Variants in HNMT observed in about 807,000 individuals in gnomAD.
HNMT encodes histamine N-methyltransferase.
A neutral mutation model predicts 32.1 loss-of-function variants in HNMT; 30 were observed. The ratio of observed to expected loss-of-function variants is 0.93; its 90% CI spans 0.70 to 1.27. The LOEUF (loss-of-function observed/expected upper bound fraction) is 1.27, where lower values mean the gene tolerates loss of function less well. Ranked by LOEUF, HNMT falls within the 50% of genes most tolerant of loss-of-function variation. The probability of loss-of-function intolerance (pLI) is 0.00; values close to 1 mark genes in which losing one functional copy is unlikely to be tolerated. For synonymous variants in HNMT, 125 were observed against 119.0 expected (o/e 1.05, Z -0.33); for missense variants, 327 against 346.0 (o/e 0.95, Z 0.43).
Position 138,014,253 on chromosome 2 carries a change from T to G in HNMT, c.*123T>G. On this transcript the variant is annotated 3_prime_UTR_variant, in exon 6 of 6. Coordinates refer to ENST00000280097, the MANE Select transcript of HNMT (RefSeq NM_006895.3). ...GATAAAGCACTGTTTGGATATGAGATGTAGCAAATTCCAATACATTATTGG... is the reference window on the plus strand; with the variant it reads ...GATAAAGCACTGTTTGGATATGAGAGGTAGCAAATTCCAATACATTATTGG... 1.5e-6 allele frequency: 1 copy of G among 660,660 alleles called. No homozygotes were observed. Among genetic ancestry groups the G allele is most frequent in the Non-Finnish European group, 2.5e-6 (1 of 394,350 alleles). 40.9% of individuals were successfully genotyped at this position (660,660 alleles called of 1,614,324 possible).
At chr2:137,979,442 C>T (rs1016457251) in intron 2 of HNMT, among the ~76,000 whole-genome samples, 11 of 151,806 alleles carry the variant, frequency 7.2e-5, no homozygotes, top group South Asian at 2.1e-4. Flanking sequence ...TTAGTAGAGA[C>T]GGGGTTTCAC....
intron 1 of HNMT, 75 bp downstream of exon 1, chr2:137,964,703 C>G (rs774514056): frequency 6.1e-6 from 9 of 1,475,122 alleles, no homozygotes; most frequent in African/African-American, 1.4e-5. Context: ...GGGTCTCGCT[C>G]AGCCTCGCAG....
rs201105511 is a variant in HNMT, at chr2:138,014,060, A to C, written c.809A>C (p.Glu270Ala). 519 of 1,612,880 alleles carry C rather than the reference A, an allele frequency of 3.2e-4. 1 individual carries two copies. The highest frequency in any genetic ancestry group is 3.2e-4 in the Non-Finnish European group (376 of 1,179,244). ...CTTGGGAAAGATCTACAAGAGCCTG[A>C]ATTTAGTGCTAAGAAAGAGGGGAAG... The part of the protein sequence containing the change: ...AELGKDLQEP[E>A]FSAKKEGKVL... The change falls in exon 6 of 6, where the codon GAA (glutamate) becomes GCA (alanine). Residue 270 changes from glutamate to alanine, a missense_variant. Transcript: ENST00000280097.
At chr2:137,968,021 G>A (rs552041074) in intron 1 of HNMT, among the ~76,000 whole-genome samples, 3 of 152,270 alleles carry the variant, frequency 2.0e-5, no homozygotes, top group East Asian at 1.9e-4. Flanking sequence ...TGTTGAGTGA[G>A]TAGCTCACTG....
chr2:137,993,851 T>C (rs1007315194), intron 2 of HNMT, among the ~76,000 whole-genome samples: 4 of 152,002 alleles, frequency 2.6e-5, no homozygotes, highest in African/African-American at 7.3e-5. Flanking sequence ...CCAGAAAAGA[T>C]TGGGGGCCAA....
At position 137,970,151 on chromosome 2, in the gene HNMT, T is replaced by A. The variant is rs763456665; in HGVS notation, c.138-14T>A. ...AACACATTTTTCTAAAACTACATAA[T>A]TTTTTTCTTTCAGGATTGGAGACAC... is the stretch of plus-strand genomic sequence containing the variant. On this transcript the variant is annotated splice_polypyrimidine_tract_variant and intron_variant, in intron 1 of 5. Transcript: ENST00000280097. 1 of 1,503,394 alleles carries A rather than the reference T, an allele frequency of 6.7e-7. No individual in the cohort carries two copies. The highest frequency in any genetic ancestry group is 9.2e-7 in the Non-Finnish European group (1 of 1,088,068). The allele number at this position is 1,503,394 out of a possible 1,614,324, so 93.1% of individuals were successfully genotyped here.
At chr2:138,008,265 T>A (rs919699312) in intron 5 of HNMT, among the ~76,000 whole-genome samples, 3 of 152,048 alleles carry the variant, frequency 2.0e-5, no homozygotes, top group African/African-American at 7.2e-5. Flanking sequence ...TCTGCATTAG[T>A]TTTTTAGGCC....
At chr2:137,984,502 T>C (rs915447397) in intron 2 of HNMT, among the ~76,000 whole-genome samples, 1 of 152,206 alleles carries the variant, frequency 6.6e-6, no homozygotes, top group Admixed American at 6.5e-5. Flanking sequence ...ATTAACTTTT[T>C]AAGAAATTAT....
intron 2 of HNMT, among the ~76,000 whole-genome samples, chr2:137,979,431 T>C (rs997261874): frequency 5.3e-5 from 8 of 152,016 alleles, no homozygotes; most frequent in African/African-American, 1.4e-4. Context: ...TCACCACGTT[T>C]TTAGTAGAGA....
chr2:137,970,936 AGAAAGAAAG>A (rs1187981132), intron 2 of HNMT, among the ~76,000 whole-genome samples: 1,223 of 22,790 alleles, frequency 0.054, 128 homozygotes, highest in Middle Eastern at 0.1. Context: ...AAAAAAAAAA[AGAAAGAAAG>A]AAAGAAAGAA....
In HNMT at chr2:138,014,102, C is replaced by T. The variant is rs562176306; in HGVS notation, c.851C>T (p.Thr284Ile). Residue 284 changes from threonine (T) to isoleucine (I), a missense_variant, in exon 6 of 6, where the codon ACT (threonine) becomes ATT (isoleucine). Coordinates refer to ENST00000280097, the MANE Select transcript of HNMT (RefSeq NM_006895.3). ...GAGGGGAAGGTTCTTTTTAATAATACTCTGAGTTTCATAGTGATTGAGGCA... is the reference window on the plus strand; with the variant it reads ...GAGGGGAAGGTTCTTTTTAATAATATTCTGAGTTTCATAGTGATTGAGGCA... ...KKEGKVLFNN[T>I]LSFIVIEA The T allele has an allele frequency of 3.8e-6, 6 of 1,596,096 alleles. No homozygotes were observed. In the East Asian group the frequency reaches 1.1e-4, roughly 30 times the overall value.
At chr2:137,970,486 A>G (rs1680086916) in intron 2 of HNMT, among the ~76,000 whole-genome samples, 1 of 152,224 alleles carries the variant, frequency 6.6e-6, no homozygotes. Flanking sequence ...AACTTTAAGG[A>G]TAACTCTTAT....
At chr2:137,982,730 T>G (rs2104945825) in intron 2 of HNMT, among the ~76,000 whole-genome samples, 1 of 152,342 alleles carries the variant, frequency 6.6e-6, no homozygotes, top group Middle Eastern at 3.4e-3. Flanking sequence ...TTCCAAAAAT[T>G]TGCTCATCGA....
chr2:137,974,618 G>A (rs1395797996), intron 2 of HNMT, among the ~76,000 whole-genome samples: 1 of 152,070 alleles, frequency 6.6e-6, no homozygotes, highest in East Asian at 1.9e-4. Flanking sequence ...CATTTTATCT[G>A]TCCCAGTGTT....
chr2:138,012,308 T>G (rs192700168), intron 5 of HNMT, among the ~76,000 whole-genome samples: 171 of 152,262 alleles, frequency 1.1e-3, no homozygotes, highest in African/African-American at 3.9e-3. Flanking sequence ...ATCTCATTCA[T>G]AAAGCATCAG....
At chr2:137,974,735 T>C (rs1680237020) in intron 2 of HNMT, among the ~76,000 whole-genome samples, 1 of 152,226 alleles carries the variant, frequency 6.6e-6, no homozygotes, top group Non-Finnish European at 1.5e-5. Context: ...ATTAACCTAT[T>C]GTATATTAAC....
At chr2:138,002,430 T>G in intron 4 of HNMT, 1 of 888,274 alleles carries the variant, frequency 1.1e-6, no homozygotes, top group Non-Finnish European at 1.4e-6. Flanking sequence ...GTTATCCATT[T>G]TTAAAAATGT....
At chr2:137,985,955 C>G (rs554789824) in intron 2 of HNMT, among the ~76,000 whole-genome samples, 1 of 151,650 alleles carries the variant, frequency 6.6e-6, no homozygotes, top group Admixed American at 6.6e-5. Flanking sequence ...GGCGACAGAG[C>G]GAGACTCCAT....
At chr2:137,992,442 C>T (rs895564354) in intron 2 of HNMT, among the ~76,000 whole-genome samples, 4 of 152,220 alleles carry the variant, frequency 2.6e-5, no homozygotes, top group African/African-American at 9.6e-5. Flanking sequence ...CATCTGCTTG[C>T]AGTCTGTGGC....
Sources: allele counts gnomAD v4.1 joint callset (sites outside exome capture counted in the v4.1 genomes callset), GRCh38; gene constraint gnomAD v4.1.1; transcripts MANE v1.5; gene names NCBI Gene and HGNC (gene_info 2026-07-23, HGNC 2026-07-21).